Variants in SURF4 observed in about 807,000 individuals in gnomAD.
The protein encoded by SURF4 is surfeit locus protein 4.
A neutral mutation model predicts 30.0 loss-of-function variants in SURF4; 3 were observed. The ratio of observed to expected loss-of-function variants is 0.10; its 90% CI spans 0.05 to 0.26. SURF4 has a LOEUF of 0.26. SURF4 is among the 10% of genes least tolerant of loss of function. The pLI is 1.00. For missense variants in SURF4, 217 were observed against 350.8 expected, an observed-to-expected ratio of 0.62 and a Z score of 3.05; for synonymous variants, 143 against 139.9, an observed-to-expected ratio of 1.02 and a Z score of -0.16.
At position 133,363,328 on chromosome 9, in the gene SURF4, C is replaced by T. The variant is rs995702776; in HGVS notation, c.*165G>A. 18 of 1,161,408 alleles carry T rather than the reference C, an allele frequency of 1.5e-5. No individual in the cohort carries two copies. The highest frequency in any genetic ancestry group is 2.1e-5 in the Non-Finnish European group (17 of 791,888). The allele number at this position is 1,161,408 out of a possible 1,614,324, so 71.9% of individuals were successfully genotyped here. ...GTGGCTCCAGAGCAGACTGAGCCAT[C>T]GATTCTCAGGTGTCTCTGCAAATAA... is the stretch of plus-strand genomic sequence containing the variant. On this transcript the variant is annotated 3_prime_UTR_variant, in exon 6 of 6. Transcript: ENST00000371989. This position sits in a 1 kb window ranked among gnomAD's most constrained non-coding sequence, Gnocchi z 4.3.
At chr9:133,364,045 A>G (rs1342154790) in intron 5 of SURF4, among the ~76,000 whole-genome samples, 1 of 152,152 alleles carries the variant, frequency 6.6e-6, no homozygotes, top group African/African-American at 2.4e-5. Context: ...CTAAATTCCC[A>G]AGTGCTTCTT....
chr9:133,372,732 G>C, intron 1 of SURF4: 1 of 741,424 alleles, frequency 1.3e-6, no homozygotes, highest in Non-Finnish European at 1.6e-6. Flanking sequence ...CTTCAAATTA[G>C]GTCATTTTCA....
chr9:133,374,884 G>C (rs1016796569), intron 1 of SURF4, among the ~76,000 whole-genome samples: 4 of 151,752 alleles, frequency 2.6e-5, no homozygotes, highest in African/African-American at 9.7e-5. Context: ...ACCACCTCCA[G>C]AAAAATTTAA....
In SURF4 at chr9:133,375,950, A is replaced by G. The variant is rs1837893338; in HGVS notation, c.20T>C (p.Met7Thr). The G allele has an allele frequency of 1.6e-6, 2 of 1,234,648 alleles. No homozygotes were observed. Among genetic ancestry groups the G allele is most frequent in the Non-Finnish European group, 2.0e-6 (2 of 984,876 alleles). 76.5% of individuals were successfully genotyped at this position (1,234,648 alleles called of 1,614,324 possible). A position where few individuals can be genotyped will look rare whatever the true frequency, so the allele number is the denominator to read the frequency against. The change falls in exon 1 of 6, where the codon ATG (methionine) becomes ACG (threonine). Residue 7 changes from methionine to threonine, a missense_variant. By Grantham distance (81) the Met-to-Thr change is moderately conservative. Coordinates refer to ENST00000371989, the MANE Select transcript of SURF4 (RefSeq NM_033161.4). ...GTCGGCGAAGTCCTCGGCCGTGCCC[A>G]TCAGGTCGTTCTGGCCCATGGCGAC... MGQNDL[M>T]GTAEDFADQF... is the part of the protein sequence containing the mutation.
At position 133,376,029 on chromosome 9, in the gene SURF4, C is replaced by G; in HGVS notation, c.-60G>C. The G allele has an allele frequency of 1.6e-6, 2 of 1,215,324 alleles. No homozygotes were observed. The highest frequency in any genetic ancestry group is 2.0e-6 in the Non-Finnish European group (2 of 976,330). The allele number at this position is 1,215,324 out of a possible 1,614,324, so 75.3% of individuals were successfully genotyped here. ...TCGCTCGCTGGCTCTCGCCCGTCGG[C>G]GCCCGCACCCGCTGCGGCCTCCACA... On this transcript the variant is annotated 5_prime_UTR_variant, in exon 1 of 6. Transcript: ENST00000371989.
chr9:133,376,205 C>T, upstream of SURF4: 3 of 1,275,160 alleles, frequency 2.4e-6, no homozygotes, highest in Non-Finnish European at 3.0e-6. Context: ...CCGACCCATC[C>T]GCTCGAAGCC....
At position 133,363,265 on chromosome 9, in the gene SURF4, G is replaced by T; in HGVS notation, c.*228C>A. ...CTCGGCGTGGGGGAGGCTTCCAGCTGCCAGGCTGGCCTGCACTGAAGGGTC... is the reference window on the plus strand; with the variant it reads ...CTCGGCGTGGGGGAGGCTTCCAGCTTCCAGGCTGGCCTGCACTGAAGGGTC... On this transcript the variant is annotated 3_prime_UTR_variant, in exon 6 of 6. Transcript: ENST00000371989. The surrounding 1 kb of genome is among the most constrained non-coding windows in gnomAD (Gnocchi z 4.3). 1 of 752,238 alleles carries T rather than the reference G, an allele frequency of 1.3e-6. No homozygotes were observed. Among genetic ancestry groups the T allele is most frequent in the Non-Finnish European group, 2.3e-6 (1 of 438,216 alleles). The allele number at this position is 752,238 out of a possible 1,614,324, so 46.6% of individuals were successfully genotyped here.
intron 1 of SURF4, among the ~76,000 whole-genome samples, chr9:133,371,349 C>G (rs1427959980): frequency 1.3e-5 from 2 of 152,362 alleles, no homozygotes; most frequent in East Asian, 1.9e-4. Flanking sequence ...CTCGAGCTCA[C>G]TGGCTCACTG....
In SURF4 at chr9:133,371,249, C is replaced by T. The variant is rs1256485159; in HGVS notation, c.49-3804G>A. On this transcript the variant is annotated intron_variant, in intron 1 of 5. Transcript: ENST00000371989. ...CTTGATCACCAAGGACTGGGGCTGCCTTGTTCAAAGCCCAACTCAGGTCCC... is the reference window on the plus strand; with the variant it reads ...CTTGATCACCAAGGACTGGGGCTGCTTTGTTCAAAGCCCAACTCAGGTCCC... 9 of 529,310 alleles carry T rather than the reference C, an allele frequency of 1.7e-5. No homozygotes were observed. The African/African-American group carries it at 1.9e-4, about 11-fold the overall frequency. The allele number at this position is 529,310 out of a possible 1,614,324, so 32.8% of individuals were successfully genotyped here. A position where few individuals can be genotyped will look rare whatever the true frequency, so the allele number is the denominator to read the frequency against.
chr9:133,377,329 C>T (rs2130253495), upstream of SURF4, among the ~76,000 whole-genome samples: 3 of 152,184 alleles, frequency 2.0e-5, no homozygotes, highest in Non-Finnish European at 4.4e-5. Context: ...TAAGCTTGAA[C>T]GCTCTCACAC....
At chr9:133,375,892 G>T in intron 1 of SURF4, 30 bp downstream of exon 1, 1 of 1,221,162 alleles carries the variant, frequency 8.2e-7, no homozygotes. Context: ...GGTCGGGACC[G>T]GGGCCGGGGG....
intron 3 of SURF4, 190 bp from the exon 4 acceptor site, chr9:133,366,218 T>C (rs1837163000): frequency 1.6e-6 from 1 of 612,376 alleles, no homozygotes; most frequent in Non-Finnish European, 2.9e-6. Flanking sequence ...TGTGCTATGA[T>C]GTTCCAGAGA....
chr9:133,364,911 G>A lies in SURF4; in HGVS notation c.472C>T (p.Gln158Ter). Residue 158 changes from glutamine (Q) to a stop codon, truncating the protein, a stop_gained, in exon 5 of 6, where the codon CAG (glutamine) becomes TAG (stop). Coordinates refer to ENST00000371989, the MANE Select transcript of SURF4 (RefSeq NM_033161.4). LOFTEE classifies it high-confidence loss of function. ...MRESSPKQYMQLGGRVLLVLM... is the reference protein window; with the variant it reads ...MRESSPKQYM ...ACCAGCAAGACCCTGCCTCCGAGCTGCATGTACTGTTTGGGGGAGCTCTCA... is the reference window on the plus strand; with the variant it reads ...ACCAGCAAGACCCTGCCTCCGAGCTACATGTACTGTTTGGGGGAGCTCTCA... The A allele has an allele frequency of 6.2e-7, 1 of 1,614,086 alleles. No homozygotes were observed. The highest frequency in any genetic ancestry group is 8.5e-7 in the Non-Finnish European group (1 of 1,180,012).
chr9:133,370,970 A>G, intron 1 of SURF4: 1 of 1,289,338 alleles, frequency 7.8e-7, no homozygotes, highest in South Asian at 1.2e-5. Context: ...GGGGCTTAAC[A>G]GGAAGACTGA....
rs181190300 is a variant in SURF4 at position 133,367,439 on chromosome 9, G to A, written c.55C>T (p.Arg19Cys). The change falls in exon 2 of 6, where the codon CGT (arginine) becomes TGT (cysteine). Residue 19 changes from arginine (R) to cysteine (C), a missense_variant. Transcript: ENST00000371989. The stretch of plus-strand genomic sequence containing the variant: ...TGGGGCAGGTACTGCTTTGTGACAC[G>A]GAGGAACTGCAGGGCCACAGAAACC... ...TAEDFADQFL[R>C]VTKQYLPHVA... 9.3e-6 allele frequency: 15 copies of A among 1,613,544 alleles called. No homozygotes were observed. Among genetic ancestry groups the A allele is most frequent in the Admixed American group, 1.7e-5 (1 of 60,034 alleles).
chr9:133,366,232 A>T (rs968958197), intron 3 of SURF4, among the ~76,000 whole-genome samples: 2 of 152,242 alleles, frequency 1.3e-5, no homozygotes, highest in Non-Finnish European at 1.5e-5. Context: ...CCAGAGAACA[A>T]AGTGATTCTG....
At chr9:133,376,096 C>T, upstream of SURF4, 2 of 1,203,908 alleles carry the variant, frequency 1.7e-6, no homozygotes, top group African/African-American at 3.2e-5. Flanking sequence ...TCGGCTGCGG[C>T]TCCAGCGGCT....
chr9:133,363,131 C>T lies in SURF4; in HGVS notation c.*362G>A. On this transcript the variant is annotated 3_prime_UTR_variant, in exon 6 of 6. Transcript: ENST00000371989. The surrounding 1 kb of genome is among the most constrained non-coding windows in gnomAD (Gnocchi z 4.3). ...GGGAGACTGCTTTGAATGATAATAC[C>T]AATGCGTCTGCTCACAGTACAGCTT... The T allele has an allele frequency of 2.0e-6, 1 of 490,988 alleles. No homozygotes were observed. The highest frequency in any genetic ancestry group is 3.6e-5 in the East Asian group (1 of 27,834). The allele number at this position is 490,988 out of a possible 1,614,324, so 30.4% of individuals were successfully genotyped here.
intron 1 of SURF4, among the ~76,000 whole-genome samples, chr9:133,374,253 T>C (rs1479285228): frequency 1.3e-5 from 2 of 152,112 alleles, no homozygotes; most frequent in Non-Finnish European, 2.9e-5. Flanking sequence ...GAATTGTTTT[T>C]AAAATTGTGT....
Sources: gnomAD v4.1 joint callset for allele counts (sites outside exome capture counted in the v4.1 genomes callset) on GRCh38, gnomAD v4.1.1 for gene constraint, Gnocchi (gnomAD v3.1) non-coding constraint, MANE v1.5 for transcripts, NCBI Gene and HGNC (gene_info 2026-07-23, HGNC 2026-07-21) for gene names.